Variants in LCOR observed in about 807,000 individuals in gnomAD.
LCOR encodes the protein ligand dependent nuclear receptor corepressor.
Under a neutral mutation model 64.4 loss-of-function variants are expected in LCOR, and 14 were observed. The ratio of observed to expected loss-of-function variants is 0.22; its 90% CI spans 0.14 to 0.34. The LOEUF is 0.34. Among genes scored for constraint, LCOR ranks in the 10% least tolerant of loss-of-function variants. The probability of loss-of-function intolerance (pLI) is 1.00; values close to 1 mark genes in which losing one functional copy is unlikely to be tolerated. For synonymous variants in LCOR, 643 were observed against 642.5 expected, an observed-to-expected ratio of 1.00 and a Z score of -0.01; for missense variants, 1,686 against 1,765.3, an observed-to-expected ratio of 0.96 and a Z score of 0.80.
At chr10:96,862,058 T>G (rs1254192630) in intron 2 of LCOR, among the ~76,000 whole-genome samples, 1 of 152,204 alleles carries the variant, frequency 6.6e-6, no homozygotes, top group Non-Finnish European at 1.5e-5. Flanking sequence ...AGGGAAGCAC[T>G]TATTTACAGT....
chr10:96,977,536 A>G (rs1201310175), intron 7 of LCOR, among the ~76,000 whole-genome samples: 1 of 152,236 alleles, frequency 6.6e-6, no homozygotes, highest in Non-Finnish European at 1.5e-5. Flanking sequence ...TAAGACTTCC[A>G]TCAAAAAAAA....
At chr10:96,868,714 T>C (rs1254671876) in intron 2 of LCOR, among the ~76,000 whole-genome samples, 1 of 152,214 alleles carries the variant, frequency 6.6e-6, no homozygotes, top group African/African-American at 2.4e-5. Context: ...TACTATTCTT[T>C]CATAGCACTT....
intron 4 of LCOR, among the ~76,000 whole-genome samples, chr10:96,914,137 T>C (rs1225379968): frequency 2.6e-5 from 4 of 152,226 alleles, no homozygotes; most frequent in African/African-American, 9.6e-5. Context: ...TTTCTTAATT[T>C]CTTCCAATTC....
rs1846296872 is a variant in LCOR at position 96,883,566 on chromosome 10, A to G, written c.-329-23699A>G. Among the ~76,000 whole-genome samples, 5 of 151,952 alleles carry G rather than the reference A, an allele frequency of 3.3e-5. No individual in the cohort carries two copies. The South Asian group carries it at 1.0e-3, about 31-fold the overall frequency. Reference sequence around the variant, plus strand: ...TCTGATAGTTGCATGGTTGTATCTCATTGTTGTTTCAACTTGCAGTTCCCT... The same window carrying G: ...TCTGATAGTTGCATGGTTGTATCTCGTTGTTGTTTCAACTTGCAGTTCCCT... On this transcript the variant is annotated intron_variant, in intron 2 of 7. Transcript: ENST00000421806.
chr10:96,895,783 C>T (rs1846526558), intron 2 of LCOR, among the ~76,000 whole-genome samples: 1 of 152,196 alleles, frequency 6.6e-6, no homozygotes, highest in African/African-American at 2.4e-5. Context: ...TGGCTTGTTC[C>T]CTCACTTCAT....
intron 7 of LCOR, chr10:96,957,674 C>T (rs1350999193): frequency 2.0e-6 from 2 of 985,350 alleles, no homozygotes; most frequent in Non-Finnish European, 2.4e-6. Flanking sequence ...GGCATAAATT[C>T]TTGCCTGGAA....
chr10:96,983,793 C>G lies in LCOR; in HGVS notation c.3333C>G (p.Ile1111Met), dbSNP rs772874533. Residue 1111 changes from isoleucine to methionine, a missense_variant, in exon 8 of 8, where the codon ATC becomes ATG. Ile to Met is a conservative substitution (Grantham distance 10, BLOSUM62 1). Coordinates refer to ENST00000421806, the MANE Select transcript of LCOR (RefSeq NM_001346516.2). The surrounding 1 kb of genome is among the most constrained non-coding windows in gnomAD (Gnocchi z 4.5). ...WCAEEENQELIANFNAQYMKV... is the reference protein window; with the variant it reads ...WCAEEENQELMANFNAQYMKV... Reference sequence around the variant, plus strand: ...CTGAGGAGGAGAACCAAGAGCTCATCGCCAACTTCAATGCCCAGTACATGA... The same window carrying G: ...CTGAGGAGGAGAACCAAGAGCTCATGGCCAACTTCAATGCCCAGTACATGA... The G allele has an allele frequency of 1.9e-6, 3 of 1,614,098 alleles. No individual in the cohort carries two copies. The highest frequency in any genetic ancestry group is 2.5e-6 in the Non-Finnish European group (3 of 1,180,022).
chr10:96,911,479 G>A (rs1420511934), intron 4 of LCOR, among the ~76,000 whole-genome samples: 1 of 152,202 alleles, frequency 6.6e-6, no homozygotes, highest in Non-Finnish European at 1.5e-5. Context: ...GAAAGGGTCA[G>A]AGATGTTCAG....
intron 7 of LCOR, chr10:96,957,689 T>G: frequency 1.0e-6 from 1 of 985,436 alleles, no homozygotes; most frequent in Non-Finnish European, 1.2e-6. Context: ...CTGGAAACTT[T>G]GGAGCAATTA....
chr10:96,845,448 C>CTTT (rs1491407295), intron 2 of LCOR, among the ~76,000 whole-genome samples: 1 of 67,150 alleles, frequency 1.5e-5, no homozygotes, highest in Non-Finnish European at 2.9e-5. Context: ...ATGGGCTTAT[C>CTTT]CTTTTTTTTT....
At chr10:96,871,212 C>T (rs755504942) in intron 2 of LCOR, among the ~76,000 whole-genome samples, 29 of 147,872 alleles carry the variant, frequency 2.0e-4, no homozygotes, top group Non-Finnish European at 3.3e-4. Context: ...ATGTGCCACA[C>T]CTGGCTTTTT....
intron 2 of LCOR, among the ~76,000 whole-genome samples, chr10:96,894,478 G>A (rs1181658354): frequency 6.6e-6 from 1 of 151,850 alleles, no homozygotes; most frequent in Non-Finnish European, 1.5e-5. Flanking sequence ...CATTGAAAAG[G>A]AGTGTTGAAA....
At chr10:96,870,924 G>A (rs542500858) in intron 2 of LCOR, among the ~76,000 whole-genome samples, 13 of 152,298 alleles carry the variant, frequency 8.5e-5, no homozygotes, top group Middle Eastern at 3.4e-3. Context: ...ATTCTAGGAC[G>A]GAAGACAAAT....
intron 2 of LCOR, among the ~76,000 whole-genome samples, chr10:96,906,030 G>A (rs1846720797): frequency 6.6e-6 from 1 of 152,104 alleles, no homozygotes; most frequent in East Asian, 1.9e-4. Context: ...CTTTTCTGTG[G>A]TTGTATTTGT....
intron 4 of LCOR, among the ~76,000 whole-genome samples, chr10:96,943,701 T>C (rs999639866): frequency 2.0e-5 from 3 of 151,786 alleles, no homozygotes; most frequent in Non-Finnish European, 4.4e-5. Flanking sequence ...AAAGCAAACA[T>C]GATCCTCAAA....
At chr10:96,893,480 T>G (rs1846480984) in intron 2 of LCOR, among the ~76,000 whole-genome samples, 1 of 152,042 alleles carries the variant, frequency 6.6e-6, no homozygotes, top group South Asian at 2.1e-4. Flanking sequence ...TTGTCCAAGG[T>G]ATGGCCAGGC....
chr10:96,981,899 C>A lies in LCOR; in HGVS notation c.1439C>A (p.Thr480Lys). 1 of 1,614,162 alleles carries A rather than the reference C, an allele frequency of 6.2e-7. No homozygotes were observed. Among genetic ancestry groups the A allele is most frequent in the Non-Finnish European group, 8.5e-7 (1 of 1,180,028 alleles). The change falls in exon 8 of 8, where the codon ACA (threonine) becomes AAA (lysine). Residue 480 changes from threonine to lysine, a missense_variant. Thr to Lys is a moderately conservative substitution (Grantham distance 78). This residue lies in a region of LCOR where 1,293 missense variants were observed against 1,410.4 expected (regional missense o/e 0.92). Coordinates refer to ENST00000421806, the MANE Select transcript of LCOR (RefSeq NM_001346516.2). ...GTTGTTTATATCAGTCAACCAATAA[C>A]AGAATGCCACTTTGAGAATCAAAAA... ...CDVVYISQPI[T>K]ECHFENQKSI...
In LCOR at chr10:96,861,552, C is replaced by CT. The variant is rs568904851; in HGVS notation, c.-330+28082dup. On this transcript the variant is annotated intron_variant, in intron 2 of 7. Transcript: ENST00000421806. ...GTCTCTTCTCTTCTCTTTTCTCTTT[C>CT]TTTTTTTTTGAGACAGGGTGTCTCA... Among the ~76,000 whole-genome samples, 581 of 151,130 alleles carry CT rather than the reference C, an allele frequency of 3.8e-3. 4 individuals carry two copies. The highest frequency in any genetic ancestry group is 6.8e-3 in the Middle Eastern group (2 of 294).
At chr10:96,900,385 A>C (rs551941319) in intron 2 of LCOR, among the ~76,000 whole-genome samples, 1 of 152,142 alleles carries the variant, frequency 6.6e-6, no homozygotes, top group South Asian at 2.1e-4. Context: ...AAAATAAGTA[A>C]ATGAATCTCT....
Sources: allele counts gnomAD v4.1 joint callset (sites outside exome capture counted in the v4.1 genomes callset), GRCh38; gene constraint gnomAD v4.1.1; regional missense constraint gnomAD v4.1.1; non-coding constraint Gnocchi (gnomAD v3.1); transcripts MANE v1.5; gene names NCBI Gene and HGNC (gene_info 2026-07-23, HGNC 2026-07-21).